CAP2: variants seen among roughly 807,000 people sequenced by gnomAD.
CAP2 encodes the protein adenylyl cyclase-associated protein 2.
A neutral mutation model predicts 57.7 loss-of-function variants in CAP2; 24 were observed. The observed-to-expected ratio is 0.42, with a 90% CI of 0.30 to 0.58. The LOEUF is 0.58. CAP2 is among the 20% of genes least tolerant of loss of function. The pLI, the probability that CAP2 is intolerant of heterozygous loss-of-function variation, is 0.22. For synonymous variants in CAP2, 194 were observed against 207.2 expected, an observed-to-expected ratio of 0.94 and a Z score of 0.55; for missense variants, 501 against 590.3, an observed-to-expected ratio of 0.85 and a Z score of 1.57.
In CAP2 at chr6:17,551,578, A is replaced by G. The variant is rs963924545; in HGVS notation, c.1324A>G (p.Ile442Val). ...IVSAKSSEMN[I>V]LIPQDGDYRE... Reference sequence around the variant, plus strand: ...GAGCGCCAAGTCATCTGAAATGAACATACTTATCCCTCAGGATGGTGATTA... The same window carrying G: ...GAGCGCCAAGTCATCTGAAATGAACGTACTTATCCCTCAGGATGGTGATTA... The change falls in exon 12 of 13, where the codon ATA becomes GTA. Residue 442 changes from isoleucine (I) to valine (V), a missense_variant. Transcript: ENST00000229922. 3 of 1,610,748 alleles carry G rather than the reference A, an allele frequency of 1.9e-6. No homozygotes were observed. Among genetic ancestry groups the G allele is most frequent in the African/African-American group, 2.7e-5 (2 of 74,872 alleles).
At chr6:17,457,478 C>A (rs939109362) in intron 3 of CAP2, among the ~76,000 whole-genome samples, 1 of 152,166 alleles carries the variant, frequency 6.6e-6, no homozygotes, top group South Asian at 2.1e-4. Flanking sequence ...GCAAGAGGAT[C>A]GGAAGTTGGA....
At chr6:17,495,977 C>T (rs1300239962) in intron 4 of CAP2, among the ~76,000 whole-genome samples, 1 of 119,582 alleles carries the variant, frequency 8.4e-6, no homozygotes, top group Non-Finnish European at 1.6e-5. Context: ...GCAGCCCATC[C>T]AGAGATGTTT....
rs759438660 is a variant in CAP2, at chr6:17,421,613, T to G, written c.58T>G (p.Ser20Ala). Residue 20 changes from serine to alanine, a missense_variant, in exon 2 of 13, where the codon TCG becomes GCG. Coordinates refer to ENST00000229922, the MANE Select transcript of CAP2 (RefSeq NM_006366.3). ...RLERAVSRLESLSAESHRPPG... is the reference protein window; with the variant it reads ...RLERAVSRLEALSAESHRPPG... ...GGAACGAGCTGTCAGCCGCCTGGAG[T>G]CGCTGTCTGCAGAGTCCCACAGGCC... The G allele has an allele frequency of 6.2e-7, 1 of 1,613,806 alleles. No individual in the cohort carries two copies.
chr6:17,457,300 G>A (rs949788805), intron 3 of CAP2, among the ~76,000 whole-genome samples: 2 of 152,170 alleles, frequency 1.3e-5, no homozygotes, highest in South Asian at 2.1e-4. Flanking sequence ...ATTATTTGTC[G>A]TTACTGAAAA....
chr6:17,550,841 C>T (rs1388587595), intron 11 of CAP2, among the ~76,000 whole-genome samples: 1 of 152,136 alleles, frequency 6.6e-6, no homozygotes, highest in Non-Finnish European at 1.5e-5. Context: ...GCCAAGCCCC[C>T]AGTTTTGTCT....
At chr6:17,437,887 A>G (rs1382521046) in intron 3 of CAP2, among the ~76,000 whole-genome samples, 1 of 152,120 alleles carries the variant, frequency 6.6e-6, no homozygotes, top group East Asian at 1.9e-4. Flanking sequence ...TCTCAAAGAA[A>G]AAAGGGTCAC....
intron 3 of CAP2, among the ~76,000 whole-genome samples, chr6:17,461,082 G>A (rs1403922069): frequency 6.6e-6 from 1 of 152,082 alleles, no homozygotes; most frequent in Non-Finnish European, 1.5e-5. Flanking sequence ...CCAAGAGTTG[G>A]AGGCTTCCGT....
At chr6:17,474,012 C>A (rs2113612599) in intron 4 of CAP2, among the ~76,000 whole-genome samples, 1 of 152,140 alleles carries the variant, frequency 6.6e-6, no homozygotes, top group Non-Finnish European at 1.5e-5. Context: ...ATACACTCTG[C>A]CTTCCAGAGA....
intron 7 of CAP2, among the ~76,000 whole-genome samples, chr6:17,529,640 C>CAAAAAAAAAAA (rs1554129487): frequency 2.1e-3 from 248 of 117,176 alleles, no homozygotes; most frequent in African/African-American, 8.6e-3. Context: ...GACTCCGTCT[C>CAAAAAAAAAAA]AAAAAAAAAA....
At chr6:17,477,556 CTG>C (rs1761182546) in intron 4 of CAP2, among the ~76,000 whole-genome samples, 1 of 152,152 alleles carries the variant, frequency 6.6e-6, no homozygotes, top group African/African-American at 2.4e-5. Context: ...GTCTTTCTGT[CTG>C]TGGAAAGTCA....
At chr6:17,545,463 CAG>C (rs1289214789) in intron 11 of CAP2, among the ~76,000 whole-genome samples, 9 of 151,900 alleles carry the variant, frequency 5.9e-5, no homozygotes, top group South Asian at 2.1e-4. Context: ...CAAGAAGAAA[CAG>C]AGGAAATTTT....
Position 17,419,355 on chromosome 6 carries a change from C to T in CAP2, c.-1-2200C>T, listed in dbSNP as rs147311769. Among the ~76,000 whole-genome samples, 87 of 152,296 alleles carry T rather than the reference C, an allele frequency of 5.7e-4. No homozygotes were observed. The East Asian group carries it at 0.015, about 27-fold the overall frequency. On this transcript the variant is annotated intron_variant, in intron 1 of 12. Coordinates refer to ENST00000229922, the MANE Select transcript of CAP2 (RefSeq NM_006366.3). ...AGAAGCATGCTGTTCCTCTTTTGCT[C>T]AGAGTGATGCTTGGAAGGTTCTTAA...
chr6:17,496,054 C>T (rs545094184), intron 4 of CAP2, among the ~76,000 whole-genome samples: 14 of 119,408 alleles, frequency 1.2e-4, no homozygotes, highest in Admixed American at 7.0e-4. Context: ...TCAGGGAAAA[C>T]AGGCTGCTTT....
chr6:17,398,297 G>A (rs575667964), intron 1 of CAP2, among the ~76,000 whole-genome samples: 4 of 152,098 alleles, frequency 2.6e-5, no homozygotes, highest in East Asian at 3.9e-4. Flanking sequence ...TATATCCTGC[G>A]GAGTGGTCTA....
At chr6:17,480,113 A>G (rs920168349) in intron 4 of CAP2, among the ~76,000 whole-genome samples, 1 of 152,022 alleles carries the variant, frequency 6.6e-6, no homozygotes, top group African/African-American at 2.4e-5. Context: ...AAACAAACCA[A>G]ACAAGCAGAA....
In CAP2 at chr6:17,426,675, G is replaced by C; in HGVS notation, c.207G>C (p.Gly69=). The change falls in exon 3 of 13, where the codon GGG becomes GGC. Residue 69 remains glycine, a synonymous_variant. Transcript: ENST00000229922. ...TAAAGAACAGTAGGATCCTTGCTGG[G>C]GACGTGGAGACCCATGTAAGTACTT... ...EFLKNSRILA[G]DVETHAEMVH... The C allele has an allele frequency of 6.2e-7, 1 of 1,612,996 alleles. No individual in the cohort carries two copies. Among genetic ancestry groups the C allele is most frequent in the East Asian group, 2.2e-5 (1 of 44,870 alleles).
Position 17,480,639 on chromosome 6 carries a change from T to A in CAP2, c.300+17566T>A, listed in dbSNP as rs145023786. 4.8e-3 allele frequency among the ~76,000 whole-genome samples: 724 copies of A among 152,246 alleles called. 2 individuals carry two copies. Among genetic ancestry groups the A allele is most frequent in the Non-Finnish European group, 8.1e-3 (551 of 68,026 alleles). On this transcript the variant is annotated intron_variant, in intron 4 of 12. Coordinates refer to ENST00000229922, the MANE Select transcript of CAP2 (RefSeq NM_006366.3). ...TTGCAAGAGAAGCAGGATTCATGCA[T>A]GAGAAATTGCGCCTGACAAATGGAA... is the stretch of plus-strand genomic sequence containing the variant.
At chr6:17,398,564 G>A (rs901723720) in intron 1 of CAP2, among the ~76,000 whole-genome samples, 5 of 145,478 alleles carry the variant, frequency 3.4e-5, no homozygotes, top group African/African-American at 1.3e-4. Flanking sequence ...TTGCTCTGTC[G>A]CCCAGGCTGG....
At chr6:17,409,997 C>A (rs574243869) in intron 1 of CAP2, among the ~76,000 whole-genome samples, 2 of 152,278 alleles carry the variant, frequency 1.3e-5, no homozygotes, top group African/African-American at 4.8e-5. Context: ...TAGCTCCTGG[C>A]GCATAATGAA....
Sources: gnomAD v4.1 joint callset for allele counts (sites outside exome capture counted in the v4.1 genomes callset) on GRCh38, gnomAD v4.1.1 for gene constraint, MANE v1.5 for transcripts, NCBI Gene and HGNC (gene_info 2026-07-23, HGNC 2026-07-21) for gene names.